NETO1: variants seen among roughly 807,000 people sequenced by gnomAD.
NETO1 encodes neuropilin and tolloid-like protein 1.
Under a neutral mutation model 61.3 loss-of-function variants are expected in NETO1, and 26 were observed. That is an observed-to-expected ratio of 0.42 (90% confidence interval 0.31 to 0.59). The LOEUF (loss-of-function observed/expected upper bound fraction) is 0.59, where lower values mean the gene tolerates loss of function less well. Among genes scored for constraint, NETO1 ranks in the 20% least tolerant of loss-of-function variants. NETO1 has a pLI of 0.12. For synonymous variants in NETO1, 225 were observed against 225.8 expected, an observed-to-expected ratio of 1.00 and a Z score of 0.03; for missense variants, 531 against 662.8, an observed-to-expected ratio of 0.80 and a Z score of 2.18.
rs2074776069 is a variant in NETO1, at chr18:72,867,444, G to A, written c.-153C>T. On this transcript the variant is annotated 5_prime_UTR_variant, in exon 1 of 11. Transcript: ENST00000327305. ...GGCCGAGAGGGAGACCGAGAGGAAG[G>A]GGGAGCTCCGAGCCCACGCTGCAGC... 2.2e-6 allele frequency: 1 copy of A among 463,502 alleles called. No homozygotes were observed. The highest frequency in any genetic ancestry group is 3.7e-6 in the Non-Finnish European group (1 of 267,008). The allele number at this position is 463,502 out of a possible 1,614,324, so 28.7% of individuals were successfully genotyped here.
chr18:72,818,623 A>G (rs968976758), intron 4 of NETO1, among the ~76,000 whole-genome samples: 2 of 152,206 alleles, frequency 1.3e-5, no homozygotes, highest in Non-Finnish European at 2.9e-5. Flanking sequence ...TCCAGATTTT[A>G]AAGTCAAGCA....
At position 72,850,264 on chromosome 18, in the gene NETO1, A is replaced by G. The variant is rs192015449; in HGVS notation, c.469+8562T>C. On this transcript the variant is annotated intron_variant, in intron 4 of 10. Transcript: ENST00000327305. ...TCTACAGTGTTAGCATAGTGGATCA[A>G]TAAACAGTTGTTAAATAAGTGTAGG... 8.6e-5 allele frequency among the ~76,000 whole-genome samples: 13 copies of G among 150,812 alleles called. No individual in the cohort carries two copies. The East Asian group carries it at 2.5e-3, about 29-fold the overall frequency.
intron 7 of NETO1, among the ~76,000 whole-genome samples, 185 bp from the exon 8 acceptor site, chr18:72,756,332 G>A (rs1464521377): frequency 2.0e-5 from 3 of 152,126 alleles, no homozygotes. Context: ...TACTAAGAGT[G>A]CTGGCATTCC....
chr18:72,789,606 G>A (rs576462109), intron 6 of NETO1, among the ~76,000 whole-genome samples: 3 of 152,200 alleles, frequency 2.0e-5, no homozygotes, highest in South Asian at 2.1e-4. Context: ...TAACACCCAT[G>A]TACTATCTAC....
At chr18:72,785,573 T>G (rs1273789596) in intron 6 of NETO1, among the ~76,000 whole-genome samples, 1 of 152,214 alleles carries the variant, frequency 6.6e-6, no homozygotes, top group Admixed American at 6.5e-5. Flanking sequence ...AGTTTTAGGG[T>G]ACATGTGCAC....
In NETO1 at chr18:72,746,665, A is replaced by G. The variant is rs1568165111; in HGVS notation, c.*1514T>C. 6.6e-6 allele frequency among the ~76,000 whole-genome samples: 1 copy of G among 151,958 alleles called. No individual in the cohort carries two copies. Among genetic ancestry groups the G allele is most frequent in the African/African-American group, 2.4e-5 (1 of 41,382 alleles). On this transcript the variant is annotated 3_prime_UTR_variant, in exon 11 of 11. Transcript: ENST00000327305. ...CATCTAGTTTGCAAAGCCTGCTTGA[A>G]TTGCAAAGTCCAAATTTTAGTAGAC...
At chr18:72,844,167 A>T (rs1001904823) in intron 4 of NETO1, among the ~76,000 whole-genome samples, 3 of 152,226 alleles carry the variant, frequency 2.0e-5, no homozygotes, top group Non-Finnish European at 4.4e-5. Flanking sequence ...TACTAAGAAC[A>T]GCAGCCACAG....
chr18:72,817,396 G>A (rs2073061405), intron 4 of NETO1, among the ~76,000 whole-genome samples: 1 of 152,224 alleles, frequency 6.6e-6, no homozygotes, highest in African/African-American at 2.4e-5. Context: ...CGGCCCCGCA[G>A]CCATTCCAGT....
In NETO1 at chr18:72,823,695, A is replaced by G. The variant is rs114881976; in HGVS notation, c.470-29291T>C. On this transcript the variant is annotated intron_variant, in intron 4 of 10. Coordinates refer to ENST00000327305, the MANE Select transcript of NETO1 (RefSeq NM_138966.5). ...GCTAAACATGTTCTTTATGTTTTTC[A>G]ATAGATTTTTAAAAATAGTCAAAGA... is the stretch of plus-strand genomic sequence containing the variant. Among the ~76,000 whole-genome samples the G allele has an allele frequency of 3.4e-3, 519 of 152,284 alleles. 1 individual carries two copies. Among genetic ancestry groups the G allele is most frequent in the African/African-American group, 0.012 (495 of 41,564 alleles).
chr18:72,835,337 A>G, intron 4 of NETO1: 1 of 1,592,908 alleles, frequency 6.3e-7, no homozygotes, highest in Non-Finnish European at 8.6e-7. Flanking sequence ...CAAAGAGGTA[A>G]TTAAAGAAGT....
chr18:72,748,893 T>C (rs1302125262), intron 10 of NETO1, 121 bp downstream of exon 10: 6 of 715,610 alleles, frequency 8.4e-6, no homozygotes, highest in East Asian at 2.6e-5. Context: ...TTGTGAAATG[T>C]CATGAAACAC....
chr18:72,767,998 GA>G (rs2071222331), intron 7 of NETO1, among the ~76,000 whole-genome samples: 1 of 152,174 alleles, frequency 6.6e-6, no homozygotes. Flanking sequence ...CTGTTTTACA[GA>G]AAGGAAATTG....
rs71166431 is a variant in NETO1, at chr18:72,852,833, CTT to C, written c.469+5991_469+5992del. ...TCAATACATTGATAATTTTCTTTTT[CTT>C]TTTTTTTTTTTTTTTGAGACAGGGT... On this transcript the variant is annotated intron_variant, in intron 4 of 10. Coordinates refer to ENST00000327305, the MANE Select transcript of NETO1 (RefSeq NM_138966.5). 1.4e-3 allele frequency among the ~76,000 whole-genome samples: 189 copies of C among 132,224 alleles called. 1 individual carries two copies. The highest frequency in any genetic ancestry group is 1.7e-3 in the Non-Finnish European group (110 of 63,108). The allele number at this position is 132,224 out of a possible 152,430, so 86.7% of individuals were successfully genotyped here.
chr18:72,827,166 G>C (rs1424089560), intron 4 of NETO1, among the ~76,000 whole-genome samples: 1 of 151,350 alleles, frequency 6.6e-6, no homozygotes, highest in Non-Finnish European at 1.5e-5. Flanking sequence ...GCTCAGTAGG[G>C]GGTTTGCCAA....
At chr18:72,769,801 C>T (rs745392898) in intron 7 of NETO1, among the ~76,000 whole-genome samples, 1 of 152,082 alleles carries the variant, frequency 6.6e-6, no homozygotes, top group African/African-American at 2.4e-5. Context: ...ATATCAGTAT[C>T]AATCTACCAC....
intron 7 of NETO1, among the ~76,000 whole-genome samples, chr18:72,779,368 AAT>A (rs1373928424): frequency 1.3e-5 from 2 of 151,894 alleles, no homozygotes; most frequent in African/African-American, 4.8e-5. Flanking sequence ...AAAATATATG[AAT>A]AGTCTGTTTA....
At position 72,867,594 on chromosome 18, in the gene NETO1, T is replaced by C. The variant is rs896552810; in HGVS notation, c.-303A>G. ...CACACCCGGGCGCCGGCCGCCACCATCCGCGCCGCCGCCGTCAGGACCCTC... is the reference window on the plus strand; with the variant it reads ...CACACCCGGGCGCCGGCCGCCACCACCCGCGCCGCCGCCGTCAGGACCCTC... On this transcript the variant is annotated 5_prime_UTR_variant, in exon 1 of 11. The change abolishes an upstream ATG in the 5' untranslated region. Transcript: ENST00000327305. 4.1e-4 allele frequency: 104 copies of C among 255,406 alleles called. No individual in the cohort carries two copies. The highest frequency in any genetic ancestry group is 2.3e-3 in the African/African-American group (100 of 43,234). The allele number at this position is 255,406 out of a possible 1,614,324, so 15.8% of individuals were successfully genotyped here.
intron 7 of NETO1, among the ~76,000 whole-genome samples, chr18:72,772,825 C>CTCTCTATATATA (rs1568187563): frequency 2.4e-5 from 1 of 40,848 alleles, no homozygotes; most frequent in Non-Finnish European, 4.3e-5. Flanking sequence ...CTCTCTCTCT[C>CTCTCTATATATA]TATATATATA....
At chr18:72,775,546 A>C (rs2071518425) in intron 7 of NETO1, among the ~76,000 whole-genome samples, 1 of 152,208 alleles carries the variant, frequency 6.6e-6, no homozygotes, top group Admixed American at 6.5e-5. Flanking sequence ...TTATGGTGTG[A>C]AAGCACAGTA....
Sources: gnomAD v4.1 joint callset for allele counts (sites outside exome capture counted in the v4.1 genomes callset) on GRCh38, gnomAD v4.1.1 for gene constraint, MANE v1.5 for transcripts, NCBI Gene and HGNC (gene_info 2026-07-23, HGNC 2026-07-21) for gene names.